INTU: variants seen among roughly 807,000 people sequenced by gnomAD.
The protein encoded by INTU is inturned planar cell polarity protein, also known as protein inturned.
In INTU, 68 loss-of-function variants were observed where a neutral mutation model predicts 100.5. The observed-to-expected ratio is 0.68, with a 90% CI of 0.56 to 0.83. INTU has a LOEUF of 0.83. Ranked by LOEUF, INTU falls within the 40% of genes least tolerant of loss-of-function variation. The probability of loss-of-function intolerance (pLI) is 0.00; values close to 1 mark genes in which losing one functional copy is unlikely to be tolerated. For missense variants in INTU, 1,071 were observed against 1,114.7 expected (o/e 0.96, Z 0.56); for synonymous variants, 357 against 395.7 (o/e 0.90, Z 1.16).
intron 2 of INTU, among the ~76,000 whole-genome samples, chr4:127,644,568 G>A (rs1372567176): frequency 6.6e-6 from 1 of 152,100 alleles, no homozygotes; most frequent in African/African-American, 2.4e-5. Context: ...AAGGGCGTGT[G>A]TCATAAAATA....
Position 127,713,947 on chromosome 4 carries a change from A to G in INTU, c.2571A>G (p.Gly857=). The G allele has an allele frequency of 6.2e-7, 1 of 1,603,288 alleles. No homozygotes were observed. Among genetic ancestry groups the G allele is most frequent in the Non-Finnish European group, 8.5e-7 (1 of 1,172,532 alleles). ...QQTLVEEKKK[G]LNSGDHSDSA... Reference sequence around the variant, plus strand: ...CTATTAATTTACAGAAAAAGAAAGGACTAAATAGTGGAGACCATTCAGATT... The same window carrying G: ...CTATTAATTTACAGAAAAAGAAAGGGCTAAATAGTGGAGACCATTCAGATT... Residue 857 remains glycine, a synonymous_variant, in exon 15 of 16, where the codon GGA becomes GGG. Transcript: ENST00000335251.
intron 6 of INTU, among the ~76,000 whole-genome samples, chr4:127,677,646 G>A (rs1215995566): frequency 5.3e-5 from 8 of 152,000 alleles, no homozygotes; most frequent in Non-Finnish European, 7.4e-5. Context: ...CCACAAAGAC[G>A]GGGAAAAAAC....
At chr4:127,638,710 T>G (rs1409010941) in intron 1 of INTU, among the ~76,000 whole-genome samples, 2 of 152,172 alleles carry the variant, frequency 1.3e-5, no homozygotes, top group Non-Finnish European at 2.9e-5. Flanking sequence ...TACTCCTGTT[T>G]ACCACATCAT....
At chr4:127,679,784 A>G (rs1729429118) in intron 6 of INTU, among the ~76,000 whole-genome samples, 1 of 151,958 alleles carries the variant, frequency 6.6e-6, no homozygotes, top group South Asian at 2.1e-4. Flanking sequence ...AGAGACACAA[A>G]AAACCCTTCA....
intron 2 of INTU, among the ~76,000 whole-genome samples, chr4:127,653,973 G>A (rs1260409999): frequency 2.6e-5 from 4 of 151,278 alleles, no homozygotes; most frequent in African/African-American, 4.9e-5. Flanking sequence ...TTACCATTAT[G>A]TAATGGCCTT....
At chr4:127,666,770 G>C (rs1728716895) in intron 4 of INTU, among the ~76,000 whole-genome samples, 1 of 152,202 alleles carries the variant, frequency 6.6e-6, no homozygotes, top group Non-Finnish European at 1.5e-5. Flanking sequence ...AGAGCATCTA[G>C]TCAAACATAA....
intron 2 of INTU, among the ~76,000 whole-genome samples, chr4:127,655,155 G>T (rs931223974): frequency 4.0e-5 from 6 of 151,812 alleles, no homozygotes; most frequent in South Asian, 2.1e-4. Flanking sequence ...CAACTTCTTT[G>T]CCTTTGGTTT....
intron 7 of INTU, chr4:127,686,094 A>G (rs1010175240): frequency 6.6e-6 from 1 of 152,198 alleles, no homozygotes; most frequent in African/African-American, 2.4e-5. Context: ...TTAAGGGCCA[A>G]TTGTGAAAAA....
At chr4:127,649,835 A>G (rs1230235059) in intron 2 of INTU, among the ~76,000 whole-genome samples, 3 of 152,198 alleles carry the variant, frequency 2.0e-5, no homozygotes, top group Non-Finnish European at 4.4e-5. Context: ...GAATGGATGA[A>G]TATGAATTAT....
In INTU at chr4:127,716,541, T is replaced by C. The variant is rs1731268721; in HGVS notation, c.*105T>C. The C allele has an allele frequency of 2.2e-6, 1 of 461,188 alleles. No homozygotes were observed. The highest frequency in any genetic ancestry group is 3.8e-6 in the Non-Finnish European group (1 of 260,494). The allele number at this position is 461,188 out of a possible 1,614,324, so 28.6% of individuals were successfully genotyped here. A position where few individuals can be genotyped will look rare whatever the true frequency, so the allele number is the denominator to read the frequency against. On this transcript the variant is annotated 3_prime_UTR_variant, in exon 16 of 16. Coordinates refer to ENST00000335251, the MANE Select transcript of INTU (RefSeq NM_015693.4). The stretch of plus-strand genomic sequence containing the variant: ...ATAAAGTTTAGCTTCTTTTTACTAT[T>C]CAATATTGAACATAATATTGTTAAA...
chr4:127,714,741 C>T (rs1011439638), intron 15 of INTU, among the ~76,000 whole-genome samples: 2 of 152,072 alleles, frequency 1.3e-5, no homozygotes, highest in Admixed American at 6.6e-5. Flanking sequence ...CCACCCCCCA[C>T]CCTCATTACA....
chr4:127,691,093 G>C (rs1381984925), intron 8 of INTU, among the ~76,000 whole-genome samples: 1 of 151,998 alleles, frequency 6.6e-6, no homozygotes, highest in Non-Finnish European at 1.5e-5. Context: ...ATGTTATATA[G>C]TTGTAATCAT....
At chr4:127,687,654 A>G in intron 7 of INTU, 24 bp from the exon 8 acceptor site, 14 of 1,586,844 alleles carry the variant, frequency 8.8e-6, no homozygotes, top group South Asian at 1.1e-5. Context: ...ATGTCGTTCT[A>G]ACTTACAGCT....
At chr4:127,656,611 T>C (rs987048798) in intron 2 of INTU, 25 bp from the exon 3 acceptor site, 35 of 1,526,908 alleles carry the variant, frequency 2.3e-5, no homozygotes, top group Non-Finnish European at 3.2e-5. Flanking sequence ...CATAAAACTA[T>C]CTTTTATTGT....
At chr4:127,653,838 T>C (rs933368268) in intron 2 of INTU, among the ~76,000 whole-genome samples, 2 of 151,838 alleles carry the variant, frequency 1.3e-5, no homozygotes, top group Admixed American at 6.5e-5. Flanking sequence ...AGTCTCCCAT[T>C]ATTAATGTGT....
intron 1 of INTU, among the ~76,000 whole-genome samples, chr4:127,642,015 T>C (rs1727354279): frequency 1.3e-5 from 2 of 151,386 alleles, no homozygotes; most frequent in South Asian, 4.1e-4. Flanking sequence ...TTTAAATTGA[T>C]ATATATATAT....
At chr4:127,715,027 G>A (rs1159022) in intron 15 of INTU, among the ~76,000 whole-genome samples, 103,724 of 151,782 alleles carry the variant, frequency 0.68, 36,147 homozygotes, top group African/African-American at 0.82. Flanking sequence ...ATATTTATAG[G>A]TATAGAGAGA....
intron 14 of INTU, among the ~76,000 whole-genome samples, chr4:127,711,570 C>G (rs1469714011): frequency 1.3e-5 from 2 of 152,194 alleles, no homozygotes; most frequent in Non-Finnish European, 2.9e-5. Context: ...TATTAGGAAC[C>G]AGGCTGCACA....
intron 13 of INTU, 103 bp from the exon 14 acceptor site, chr4:127,710,810 T>C (rs1335328834): frequency 8.3e-6 from 5 of 599,318 alleles, no homozygotes; most frequent in Non-Finnish European, 1.1e-5. Flanking sequence ...TATTATATTG[T>C]AGATAAAAGC....
Sources: allele counts gnomAD v4.1 joint callset (sites outside exome capture counted in the v4.1 genomes callset), GRCh38; gene constraint gnomAD v4.1.1; transcripts MANE v1.5; gene names NCBI Gene and HGNC (gene_info 2026-07-23, HGNC 2026-07-21).